ARHGAP15: variants seen among roughly 807,000 people sequenced by gnomAD.
The protein encoded by ARHGAP15 is Rho GTPase activating protein 15, also known as rho GTPase-activating protein 15.
ARHGAP15 carries 51 observed loss-of-function variants against 63.7 expected under a neutral mutation model. The observed-to-expected ratio is 0.80, with a 90% CI of 0.64 to 1.01. The LOEUF is 1.01. Ranked by LOEUF, ARHGAP15 falls within the 50% of genes least tolerant of loss-of-function variation. ARHGAP15 has a pLI of 0.00. For missense variants in ARHGAP15, 560 were observed against 564.6 expected (o/e 0.99, Z 0.08); for synonymous variants, 191 against 193.8 (o/e 0.99, Z 0.12).
intron 12 of ARHGAP15, among the ~76,000 whole-genome samples, chr2:143,697,752 G>C (rs985122796): frequency 6.6e-6 from 1 of 152,074 alleles, no homozygotes; most frequent in Non-Finnish European, 1.5e-5. Context: ...TCAAGTTTTG[G>C]CATTAAAAAG....
chr2:143,390,758 C>A (rs1019779738), intron 6 of ARHGAP15, among the ~76,000 whole-genome samples: 1 of 150,122 alleles, frequency 6.7e-6, no homozygotes, highest in African/African-American at 2.5e-5. Flanking sequence ...CACACACACA[C>A]ACACACACGT....
chr2:143,215,758 C>A (rs1183076763), intron 3 of ARHGAP15, among the ~76,000 whole-genome samples: 2 of 152,144 alleles, frequency 1.3e-5, no homozygotes, highest in Non-Finnish European at 2.9e-5. Flanking sequence ...GTTATAATGA[C>A]TTGTTGAATT....
chr2:143,759,335 C>T (rs968248617), intron 13 of ARHGAP15, among the ~76,000 whole-genome samples: 5 of 152,068 alleles, frequency 3.3e-5, no homozygotes, highest in Non-Finnish European at 7.4e-5. Flanking sequence ...ACAATTCATT[C>T]TCTTCCATAT....
intron 11 of ARHGAP15, among the ~76,000 whole-genome samples, chr2:143,568,495 A>G (rs1266960980): frequency 6.6e-6 from 1 of 152,234 alleles, no homozygotes; most frequent in Non-Finnish European, 1.5e-5. Context: ...AATGGCGATC[A>G]TTAAAAAGTC....
At chr2:143,133,516 A>G (rs1688992794) in intron 1 of ARHGAP15, among the ~76,000 whole-genome samples, 1 of 152,166 alleles carries the variant, frequency 6.6e-6, no homozygotes, top group Admixed American at 6.5e-5. Context: ...TCTTTGCAGA[A>G]GAGTTTGAAG....
At chr2:143,755,384 A>G (rs971035493) in intron 13 of ARHGAP15, among the ~76,000 whole-genome samples, 1 of 152,118 alleles carries the variant, frequency 6.6e-6, no homozygotes, top group Non-Finnish European at 1.5e-5. Context: ...TCTGCAGTAC[A>G]TGTAAATGCA....
At chr2:143,284,869 G>A (rs748447887) in intron 6 of ARHGAP15, among the ~76,000 whole-genome samples, 3 of 152,152 alleles carry the variant, frequency 2.0e-5, no homozygotes, top group Non-Finnish European at 2.9e-5. Context: ...CCTAAGAGTG[G>A]TAGATTTCAA....
intron 13 of ARHGAP15, among the ~76,000 whole-genome samples, chr2:143,736,476 GAATTA>G (rs1685750872): frequency 1.3e-5 from 2 of 151,932 alleles, no homozygotes; most frequent in African/African-American, 4.8e-5. Context: ...TAAGGCTTTG[GAATTA>G]AATAGAGTAG....
At chr2:143,402,382 A>G (rs932098845) in intron 6 of ARHGAP15, among the ~76,000 whole-genome samples, 3 of 151,916 alleles carry the variant, frequency 2.0e-5, no homozygotes, top group South Asian at 2.1e-4. Flanking sequence ...AGATCAAACT[A>G]AAGTTGGAAA....
At chr2:143,358,865 G>A (rs892803815) in intron 6 of ARHGAP15, among the ~76,000 whole-genome samples, 1 of 151,446 alleles carries the variant, frequency 6.6e-6, no homozygotes, top group Admixed American at 6.6e-5. Flanking sequence ...AATATTGAGT[G>A]GGTAGCCAAA....
chr2:143,290,284 G>A (rs1237396068), intron 6 of ARHGAP15, among the ~76,000 whole-genome samples: 1 of 152,084 alleles, frequency 6.6e-6, no homozygotes, highest in Non-Finnish European at 1.5e-5. Context: ...TAAGACATTA[G>A]TTCAGAACAC....
intron 13 of ARHGAP15, among the ~76,000 whole-genome samples, chr2:143,743,948 G>A (rs1034585197): frequency 1.6e-4 from 25 of 151,948 alleles, no homozygotes; most frequent in Admixed American, 3.3e-4. Context: ...TAAACAAAAT[G>A]CCATAAAGGA....
chr2:143,309,224 C>T (rs895084265), intron 6 of ARHGAP15, among the ~76,000 whole-genome samples: 3 of 152,018 alleles, frequency 2.0e-5, no homozygotes, highest in Non-Finnish European at 1.5e-5. Context: ...AACAAAGAGC[C>T]TAGTCAAAGC....
chr2:143,411,524 GTTA>G (rs376649714), intron 6 of ARHGAP15, among the ~76,000 whole-genome samples: 3 of 152,032 alleles, frequency 2.0e-5, no homozygotes, highest in African/African-American at 4.8e-5. Context: ...TGTGTGTTTT[GTTA>G]TTATTCTATA....
intron 6 of ARHGAP15, among the ~76,000 whole-genome samples, chr2:143,284,745 G>A (rs1336691979): frequency 6.6e-6 from 1 of 152,178 alleles, no homozygotes; most frequent in African/African-American, 2.4e-5. Flanking sequence ...AATCAGTGAA[G>A]CAAAAATCAA....
At chr2:143,519,522 G>T in intron 10 of ARHGAP15, 158 bp downstream of exon 10, 1 of 492,954 alleles carries the variant, frequency 2.0e-6, no homozygotes, top group African/African-American at 2.0e-5. Context: ...ATTAACTTCA[G>T]TTTGTTTTTA....
At chr2:143,638,125 A>G (rs1270664132) in intron 12 of ARHGAP15, among the ~76,000 whole-genome samples, 3 of 145,824 alleles carry the variant, frequency 2.1e-5, no homozygotes, top group Non-Finnish European at 4.6e-5. Flanking sequence ...TGGAAATACC[A>G]TTTGACCCAG....
At chr2:143,270,351 T>A (rs1399032205) in intron 6 of ARHGAP15, among the ~76,000 whole-genome samples, 1 of 152,240 alleles carries the variant, frequency 6.6e-6, no homozygotes, top group Admixed American at 6.5e-5. Context: ...TTGAATATGA[T>A]CTTCTTGGTA....
intron 9 of ARHGAP15, among the ~76,000 whole-genome samples, chr2:143,516,107 A>C (rs1693804291): frequency 6.6e-6 from 1 of 152,172 alleles, no homozygotes; most frequent in South Asian, 2.1e-4. Context: ...GCGTTTCCCC[A>C]GTTATAGCAG....
Sources: allele counts gnomAD v4.1 joint callset (sites outside exome capture counted in the v4.1 genomes callset), GRCh38; gene constraint gnomAD v4.1.1; transcripts MANE v1.5; gene names NCBI Gene and HGNC (gene_info 2026-07-23, HGNC 2026-07-21).